ACTR3C: variants seen among roughly 807,000 people sequenced by gnomAD.
ACTR3C encodes the protein actin related protein 3C.
In ACTR3C, 18 loss-of-function variants were observed where a neutral mutation model predicts 26.3. The ratio of observed to expected loss-of-function variants is 0.68; its 90% CI spans 0.47 to 1.01. The LOEUF is 1.01. Among genes scored for constraint, ACTR3C ranks in the 50% least tolerant of loss-of-function variants. ACTR3C has a pLI of 0.00. For missense variants in ACTR3C, 184 were observed against 250.7 expected (o/e 0.73, Z 1.80); for synonymous variants, 55 against 94.5 (o/e 0.58, Z 2.42).
rs1335613095 is a variant in ACTR3C at position 150,259,311 on chromosome 7, AAG to A, written c.565-10259_565-10258del. On this transcript the variant is annotated intron_variant, in intron 6 of 7. Transcript: ENST00000683684. ...AAAGAAAAAGAAAGAAAGAAAGAAA[AAG>A]AGAGGAAAGAAAGGAAAGAAAGAAA... Among the ~76,000 whole-genome samples, 5 of 150,698 alleles carry A rather than the reference AAG, an allele frequency of 3.3e-5. No individual in the cohort carries two copies. In the East Asian group the frequency reaches 7.7e-4, roughly 23 times the overall value.
the ACTR3C span, among the ~76,000 whole-genome samples, chr7:149,993,523 T>C: frequency 2.6e-4 from 40 of 151,722 alleles, no homozygotes; most frequent in East Asian, 2.5e-3. Context: ...GTATGGCTGA[T>C]GGAATGGAGT....
the ACTR3C span, among the ~76,000 whole-genome samples, chr7:150,157,314 G>A: frequency 5.4e-3 from 826 of 151,992 alleles, 3 homozygotes; most frequent in African/African-American, 0.019. Context: ...ATACTCCTTG[G>A]GAGAGAATAG....
the ACTR3C span, among the ~76,000 whole-genome samples, chr7:149,927,992 G>C: frequency 6.6e-6 from 1 of 152,158 alleles, no homozygotes; most frequent in Admixed American, 6.5e-5. Flanking sequence ...TTTACAAATT[G>C]GCAATAGGCT....
intron 1 of ACTR3C, chr7:150,322,716 GC>G (rs1797669975): frequency 6.6e-6 from 1 of 152,230 alleles, no homozygotes. Flanking sequence ...TTACTTCTTT[GC>G]TTTCTTAATA....
the ACTR3C span, among the ~76,000 whole-genome samples, chr7:150,095,685 A>C: frequency 6.7e-6 from 1 of 150,106 alleles, no homozygotes; most frequent in Non-Finnish European, 1.5e-5. Context: ...GCACAGAAAA[A>C]GACAGAAGGC....
chr7:150,034,530 C>T, the ACTR3C span, among the ~76,000 whole-genome samples: 35 of 151,504 alleles, frequency 2.3e-4, no homozygotes, highest in African/African-American at 8.5e-4. Flanking sequence ...GTTTGGGATC[C>T]ACAGTCTACA....
chr7:149,909,852 A>T, the ACTR3C span: 1 of 526,952 alleles, frequency 1.9e-6, no homozygotes. Flanking sequence ...CAAACTTGTG[A>T]TCACTGAGAA....
the ACTR3C span, among the ~76,000 whole-genome samples, chr7:150,037,793 C>G: frequency 2.4e-5 from 1 of 41,202 alleles, no homozygotes; most frequent in Non-Finnish European, 5.7e-5. Flanking sequence ...ATGGGGGTCC[C>G]CAGAGCCAGC....
the ACTR3C span, among the ~76,000 whole-genome samples, chr7:150,225,013 G>GTA: frequency 7.2e-6 from 1 of 139,456 alleles, no homozygotes; most frequent in African/African-American, 2.5e-5. Flanking sequence ...TAGTGTGTGT[G>GTA]TGTGTGTGTG....
the ACTR3C span, among the ~76,000 whole-genome samples, chr7:149,955,015 C>T: frequency 6.6e-6 from 1 of 152,226 alleles, no homozygotes; most frequent in Non-Finnish European, 1.5e-5. Flanking sequence ...TCCAGGTATA[C>T]ACTAATTTCT....
At chr7:150,220,186 G>A in the ACTR3C span, among the ~76,000 whole-genome samples, 1 of 148,446 alleles carries the variant, frequency 6.7e-6, no homozygotes, top group Non-Finnish European at 1.5e-5. Context: ...CCCGCCAACT[G>A]TAGCCTCCAT....
At chr7:149,923,062 C>G in the ACTR3C span, among the ~76,000 whole-genome samples, 43 of 118,656 alleles carry the variant, frequency 3.6e-4, no homozygotes, top group Non-Finnish European at 6.3e-4. Context: ...TTCATAATTA[C>G]TCATAGTTGG....
At chr7:149,936,041 C>T in the ACTR3C span, among the ~76,000 whole-genome samples, 36,677 of 152,008 alleles carry the variant, frequency 0.24, 5,075 homozygotes, top group South Asian at 0.38. Flanking sequence ...ATTCCCTCCC[C>T]GCACCTGCCT....
chr7:150,098,216 AAATTCTGCAGG>A, the ACTR3C span, among the ~76,000 whole-genome samples: 1 of 151,730 alleles, frequency 6.6e-6, no homozygotes, highest in Admixed American at 6.6e-5. Context: ...AGACATAGCC[AAATTCTGCAGG>A]AATTCTTGTC....
chr7:150,032,995 G>A, the ACTR3C span, among the ~76,000 whole-genome samples: 4 of 152,306 alleles, frequency 2.6e-5, no homozygotes, highest in South Asian at 2.1e-4. Flanking sequence ...ACAGAAGAGC[G>A]TAGCAGGGAA....
chr7:150,236,471 A>G, the ACTR3C span, among the ~76,000 whole-genome samples: 1 of 152,224 alleles, frequency 6.6e-6, no homozygotes, highest in Non-Finnish European at 1.5e-5. Flanking sequence ...CTCTAGATAC[A>G]CACTGCAAAA....
the ACTR3C span, among the ~76,000 whole-genome samples, chr7:149,955,782 T>C: frequency 6.6e-6 from 1 of 152,202 alleles, no homozygotes; most frequent in Non-Finnish European, 1.5e-5. Flanking sequence ...AGCTTATCTC[T>C]GGGCAGCTCT....
At chr7:150,144,953 A>G in the ACTR3C span, among the ~76,000 whole-genome samples, 1,722 of 151,592 alleles carry the variant, frequency 0.011, 29 homozygotes, top group African/African-American at 0.039. This position sits in a 1 kb window ranked among gnomAD's most constrained non-coding sequence, Gnocchi z 4.6. Flanking sequence ...GGACGGCTGA[A>G]GCAGGAGAAT....
At chr7:150,202,357 A>G in the ACTR3C span, among the ~76,000 whole-genome samples, 1 of 152,212 alleles carries the variant, frequency 6.6e-6, no homozygotes, top group Non-Finnish European at 1.5e-5. Flanking sequence ...TTATAATGAT[A>G]CAGATTGTAG....
Sources: gnomAD v4.1 joint callset for allele counts (sites outside exome capture counted in the v4.1 genomes callset) on GRCh38, gnomAD v4.1.1 for gene constraint, Gnocchi (gnomAD v3.1) non-coding constraint, MANE v1.5 for transcripts, NCBI Gene and HGNC (gene_info 2026-07-23, HGNC 2026-07-21) for gene names.